The following MED12L variants were observed in gnomAD, a reference collection of about 807,000 sequenced individuals.
The protein encoded by MED12L is mediator complex subunit 12L.
MED12L carries 60 observed loss-of-function variants against 281.3 expected under a neutral mutation model. The ratio of observed to expected loss-of-function variants is 0.21; its 90% CI spans 0.17 to 0.26. The LOEUF (loss-of-function observed/expected upper bound fraction) is 0.26. MED12L is among the 10% of genes least tolerant of loss of function. MED12L has a pLI of 1.00. For missense variants in MED12L, 2,146 were observed against 2,680.9 expected (o/e 0.80, Z 4.41); for synonymous variants, 974 against 987.2 (o/e 0.99, Z 0.25).
At chr3:151,223,612 CACTTATA>C (rs1262977929) in intron 16 of MED12L, among the ~76,000 whole-genome samples, 1 of 152,120 alleles carries the variant, frequency 6.6e-6, no homozygotes, top group African/African-American at 2.4e-5. Flanking sequence ...CACATATTTT[CACTTATA>C]AGTGGGAACT....
At chr3:151,285,789 C>T (rs187603214) in intron 16 of MED12L, among the ~76,000 whole-genome samples, 53 of 152,168 alleles carry the variant, frequency 3.5e-4, no homozygotes, top group Non-Finnish European at 1.9e-4. Context: ...GGGTAGAGCC[C>T]TTGTGAATGG....
At chr3:151,177,832 G>A (rs1576897069) in intron 11 of MED12L, among the ~76,000 whole-genome samples, 1 of 152,160 alleles carries the variant, frequency 6.6e-6, no homozygotes, top group East Asian at 1.9e-4. Context: ...CCTGTAGTTG[G>A]AAATTTAAAA....
In MED12L at chr3:151,367,546, T is replaced by C. The variant is rs1755436336; in HGVS notation, c.3328-100T>C. On this transcript the variant is annotated intron_variant, in intron 23 of 44. Coordinates refer to ENST00000687756, the MANE Select transcript of MED12L (RefSeq NM_001393769.1). ...CCCTCTGCTGGTTCATGTTGGGATT[T>C]GAGATCTTATTGGTATTGCCTGCAT... 4 of 1,059,202 alleles carry C rather than the reference T, an allele frequency of 3.8e-6. No individual in the cohort carries two copies. In the East Asian group the frequency reaches 8.0e-5, roughly 21 times the overall value. 65.6% of individuals were successfully genotyped at this position (1,059,202 alleles called of 1,614,324 possible).
chr3:151,240,881 G>A (rs1184061131), intron 16 of MED12L, among the ~76,000 whole-genome samples: 1 of 152,180 alleles, frequency 6.6e-6, no homozygotes, highest in Non-Finnish European at 1.5e-5. Context: ...TATTCTTCAA[G>A]TACCATGCTT....
intron 2 of MED12L, among the ~76,000 whole-genome samples, chr3:151,089,506 T>A (rs1456079305): frequency 6.6e-6 from 1 of 151,452 alleles, no homozygotes; most frequent in African/African-American, 2.4e-5. Flanking sequence ...TCAGAAAAAA[T>A]TTCAAACCAA....
In MED12L at chr3:151,355,955, C is replaced by T; in HGVS notation, c.2577C>T (p.Leu859=). ...TSFASGTSYH[L]PLAHHIQLIF... is the part of the protein sequence containing the mutation. ...TTGCGTCAGGAACATCCTATCATCTCCCTTTGGCTCACCACATTCAGCTCA... is the reference window on the plus strand; with the variant it reads ...TTGCGTCAGGAACATCCTATCATCTTCCTTTGGCTCACCACATTCAGCTCA... The change falls in exon 19 of 45, where the codon CTC becomes CTT. Residue 859 remains leucine, a synonymous_variant. Transcript: ENST00000687756. 2 of 1,614,124 alleles carry T rather than the reference C, an allele frequency of 1.2e-6. No homozygotes were observed. The highest frequency in any genetic ancestry group is 1.7e-6 in the Non-Finnish European group (2 of 1,179,994).
At chr3:151,366,730 A>G (rs1442267159) in intron 23 of MED12L, among the ~76,000 whole-genome samples, 2 of 152,174 alleles carry the variant, frequency 1.3e-5, no homozygotes, top group African/African-American at 4.8e-5. Flanking sequence ...GACTGGTTGG[A>G]TAATCCTATC....
chr3:151,414,710 T>TAAA (rs10712287), intron 42 of MED12L, among the ~76,000 whole-genome samples: 1 of 149,622 alleles, frequency 6.7e-6, no homozygotes. Flanking sequence ...TTAAAAATGT[T>TAAA]AAAAAAAAAA....
chr3:151,086,831 A>G lies in MED12L; in HGVS notation c.-96A>G, dbSNP rs1396546331. 1 of 918,614 alleles carries G rather than the reference A, an allele frequency of 1.1e-6. No individual in the cohort carries two copies. The highest frequency in any genetic ancestry group is 1.6e-6 in the Non-Finnish European group (1 of 612,884). The allele number at this position is 918,614 out of a possible 1,614,324, so 56.9% of individuals were successfully genotyped here. A position where few individuals can be genotyped will look rare whatever the true frequency, so the allele number is the denominator to read the frequency against. On this transcript the variant is annotated 5_prime_UTR_variant, in exon 2 of 45. Transcript: ENST00000687756. ...CGAGCGAGCGAGCGAGGAGGGGGAG[A>G]GAGGGAGTCTGTCTGCAAAGTGCTG...
intron 21 of MED12L, among the ~76,000 whole-genome samples, chr3:151,362,400 C>T (rs1754721617): frequency 6.6e-6 from 1 of 152,076 alleles, no homozygotes; most frequent in Non-Finnish European, 1.5e-5. Context: ...CTTTACTGAT[C>T]AAACACTCTA....
chr3:151,324,404 A>T (rs528083909), intron 16 of MED12L, among the ~76,000 whole-genome samples: 2 of 152,092 alleles, frequency 1.3e-5, no homozygotes, highest in Non-Finnish European at 2.9e-5. Context: ...GTCAGGGAGC[A>T]TGGGGGTGGC....
chr3:151,247,941 A>G (rs1577112644), intron 16 of MED12L, among the ~76,000 whole-genome samples: 1 of 105,196 alleles, frequency 9.5e-6, no homozygotes. Flanking sequence ...TCTTTTGTTT[A>G]CTTTCTTTCT....
intron 2 of MED12L, among the ~76,000 whole-genome samples, chr3:151,095,932 A>G (rs1262553505): frequency 1.3e-5 from 2 of 152,154 alleles, no homozygotes; most frequent in Non-Finnish European, 2.9e-5. Context: ...ATAAGCATAT[A>G]ACTTAACTCT....
rs184463485 is a variant in MED12L at position 151,313,350 on chromosome 3, A to G, written c.2251-36709A>G. The stretch of plus-strand genomic sequence containing the variant: ...ATACTATGGTACTAGTATATGGTAA[A>G]TATACAATAAGTCTATATCATTTTA... On this transcript the variant is annotated intron_variant, in intron 16 of 44. Transcript: ENST00000687756. Among the ~76,000 whole-genome samples the G allele has an allele frequency of 1.4e-3, 220 of 152,260 alleles. 3 individuals carry two copies. The highest frequency in any genetic ancestry group is 4.6e-3 in the African/African-American group (193 of 41,532).
At chr3:151,266,784 G>T (rs1304823304) in intron 16 of MED12L, among the ~76,000 whole-genome samples, 1 of 152,154 alleles carries the variant, frequency 6.6e-6, no homozygotes, top group Non-Finnish European at 1.5e-5. Flanking sequence ...TAAGAAGAAA[G>T]ACTAAGGTCA....
rs1165834574 is a variant in MED12L at position 151,392,743 on chromosome 3, A to G, written c.5609-1913A>G. 1.7e-4 allele frequency among the ~76,000 whole-genome samples: 26 copies of G among 152,162 alleles called. 1 individual carries two copies. The highest frequency in any genetic ancestry group is 1.7e-3 in the Admixed American group (26 of 15,280). On this transcript the variant is annotated intron_variant, in intron 38 of 44. Transcript: ENST00000687756. ...GTTGTAAGGAAATGCATAGGATAGT[A>G]AACTCCAGATTCAGAGTAGCATTTG...
At position 151,432,635 on chromosome 3, in the gene MED12L, G is replaced by A. The variant is rs536782350; in HGVS notation, c.6491-117G>A. 7.6e-5 allele frequency: 56 copies of A among 740,016 alleles called. No homozygotes were observed. In the South Asian group the frequency reaches 8.2e-4, roughly 11 times the overall value. 45.8% of individuals were successfully genotyped at this position (740,016 alleles called of 1,614,324 possible). A position where few individuals can be genotyped will look rare whatever the true frequency, so the allele number is the denominator to read the frequency against. On this transcript the variant is annotated intron_variant, in intron 44 of 44. Transcript: ENST00000687756. ...TTTCAGGGCAAGGATAGTACTCTCC[G>A]GCCATTCTGTTTCCCTGTACCTGCA...
chr3:151,192,712 C>A, intron 15 of MED12L, 58 bp downstream of exon 15: 1 of 1,053,610 alleles, frequency 9.5e-7, no homozygotes, highest in Non-Finnish European at 1.4e-6. Context: ...CCCATCCCAG[C>A]CTGTCTCGAT....
At position 151,387,968 on chromosome 3, in the gene MED12L, A is replaced by G. The variant is rs879106322; in HGVS notation, c.5247A>G (p.Thr1749=). The G allele has an allele frequency of 6.2e-7, 1 of 1,613,906 alleles. No homozygotes were observed. Among genetic ancestry groups the G allele is most frequent in the Non-Finnish European group, 8.5e-7 (1 of 1,179,966 alleles). The change falls in exon 37 of 45, where the codon ACA becomes ACG. Residue 1749 remains threonine, a synonymous_variant. Coordinates refer to ENST00000687756, the MANE Select transcript of MED12L (RefSeq NM_001393769.1). ...AGCATCACCTCCTGCTGTATCACAC[A>G]CACCCCATGCCCAAGCCCCGCAGTT... The part of the protein sequence containing the change: ...EEQHHLLLYH[T]HPMPKPRSYY...
Sources: allele counts gnomAD v4.1 joint callset (sites outside exome capture counted in the v4.1 genomes callset), GRCh38; gene constraint gnomAD v4.1.1; transcripts MANE v1.5; gene names NCBI Gene and HGNC (gene_info 2026-07-23, HGNC 2026-07-21).